Variants in SLC6A15 observed in about 807,000 individuals in gnomAD.
The protein encoded by SLC6A15 is sodium-dependent neutral amino acid transporter B(0)AT2.
In SLC6A15, 33 loss-of-function variants were observed where a neutral mutation model predicts 68.5. That is an observed-to-expected ratio of 0.48 (90% CI 0.37 to 0.64). The LOEUF (loss-of-function observed/expected upper bound fraction) is 0.64, where lower values mean the gene tolerates loss of function less well. Ranked by LOEUF, SLC6A15 falls within the 30% of genes least tolerant of loss-of-function variation. The pLI is 0.00. For synonymous variants in SLC6A15, 347 were observed against 301.0 expected (o/e 1.15, Z -1.58); for missense variants, 747 against 874.3 (o/e 0.85, Z 1.84).
At position 84,860,616 on chromosome 12, in the gene SLC6A15, G is replaced by A. The variant is rs1236879684; in HGVS notation, c.*1016C>T. 2 of 152,060 alleles carry A rather than the reference G, an allele frequency of 1.3e-5. No individual in the cohort carries two copies. Among genetic ancestry groups the A allele is most frequent in the Non-Finnish European group, 2.9e-5 (2 of 67,988 alleles). 9.4% of individuals were successfully genotyped at this position (152,060 alleles called of 1,614,324 possible). On this transcript the variant is annotated 3_prime_UTR_variant, in exon 12 of 12. Coordinates refer to ENST00000266682, the MANE Select transcript of SLC6A15 (RefSeq NM_182767.6). Reference sequence around the variant, plus strand: ...TGAAATGAAAGACAATCCAGTTCAGGTGATACAAAGAAAATCAATGTGAAA... The same window carrying A: ...TGAAATGAAAGACAATCCAGTTCAGATGATACAAAGAAAATCAATGTGAAA...
At chr12:84,891,054 T>G (rs1872367138) in intron 2 of SLC6A15, among the ~76,000 whole-genome samples, 2 of 152,194 alleles carry the variant, frequency 1.3e-5, no homozygotes, top group Non-Finnish European at 2.9e-5. Flanking sequence ...TAGCATCATA[T>G]GTAAACAATT....
chr12:84,863,439 C>A lies in SLC6A15; in HGVS notation c.1818G>T (p.Lys606Asn). 1 of 1,554,962 alleles carries A rather than the reference C, an allele frequency of 6.4e-7. No homozygotes were observed. The highest frequency in any genetic ancestry group is 8.6e-7 in the Non-Finnish European group (1 of 1,159,744). ...TGTAATTCCCTTATTTTGTATTTAC[C>A]TTATCTTCAATCCATGCGTTATAGC... is the stretch of plus-strand genomic sequence containing the variant. ...PPGYNAWIEDKASEEFLSYPT... is the reference protein window; with the variant it reads ...PPGYNAWIEDNASEEFLSYPT... The change falls in exon 11 of 12, where the codon AAG becomes AAT. Residue 606 changes from lysine (K) to asparagine (N), a missense_variant and splice_region_variant. Physicochemically the swap from Lys to Asn is moderately conservative, Grantham distance 94. Transcript: ENST00000266682.
chr12:84,911,422 C>T (rs563583997), intron 1 of SLC6A15, among the ~76,000 whole-genome samples: 45 of 152,302 alleles, frequency 3.0e-4, no homozygotes, highest in South Asian at 1.0e-3. Flanking sequence ...ACACTGCTTA[C>T]GTCACTGCGC....
intron 5 of SLC6A15, chr12:84,882,867 A>G (rs928901488): frequency 2.2e-5 from 10 of 451,772 alleles, no homozygotes; most frequent in African/African-American, 1.9e-4. Flanking sequence ...ATTGGCTTCA[A>G]TTACTGTTCT....
chr12:84,896,011 T>C (rs774099687), intron 1 of SLC6A15, among the ~76,000 whole-genome samples: 3 of 152,126 alleles, frequency 2.0e-5, no homozygotes, highest in African/African-American at 4.8e-5. Context: ...GGAAGAGAGA[T>C]AGAGTGATAA....
chr12:84,893,068 A>G (rs1427996051), intron 1 of SLC6A15, among the ~76,000 whole-genome samples: 2 of 152,198 alleles, frequency 1.3e-5, no homozygotes, highest in African/African-American at 4.8e-5. Flanking sequence ...CTGGGATTAT[A>G]TTGCATAAGT....
chr12:84,892,084 C>T lies in SLC6A15; in HGVS notation c.37G>A (p.Asp13Asn). The T allele has an allele frequency of 6.2e-7, 1 of 1,610,770 alleles. No individual in the cohort carries two copies. The highest frequency in any genetic ancestry group is 8.5e-7 in the Non-Finnish European group (1 of 1,178,870). The change falls in exon 2 of 12, where the codon GAT becomes AAT. Residue 13 changes from aspartate to asparagine, a missense_variant. Asp to Asn is a conservative substitution (Grantham distance 23). Coordinates refer to ENST00000266682, the MANE Select transcript of SLC6A15 (RefSeq NM_182767.6). ...TTGACAGACTCAGTAACATCATCAT[C>T]TAATTCTCTTTTTACCACCTTGCTA... ...KNSKVVKREL[D>N]DDVTESVKDL...
chr12:84,905,241 G>T (rs1873085817), intron 1 of SLC6A15, among the ~76,000 whole-genome samples: 1 of 152,120 alleles, frequency 6.6e-6, no homozygotes, highest in Admixed American at 6.5e-5. Flanking sequence ...TTTATTCTAA[G>T]TATTCAAGGT....
In SLC6A15 at chr12:84,875,445, G is replaced by T; in HGVS notation, c.867+1052C>A. The stretch of plus-strand genomic sequence containing the variant: ...ACACAAAGAACACAGCTTCTTTTAC[G>T]CAGTATCAAGGCAGCCGCCAGGAGT... On this transcript the variant is annotated intron_variant, in intron 6 of 11. Coordinates refer to ENST00000266682, the MANE Select transcript of SLC6A15 (RefSeq NM_182767.6). Among the ~76,000 whole-genome samples the T allele has an allele frequency of 2.0e-5, 3 of 151,780 alleles. No homozygotes were observed. In the Middle Eastern group the frequency reaches 0.01, roughly 516 times the overall value.
At chr12:84,885,628 G>T in intron 3 of SLC6A15, 67 bp from the exon 4 acceptor site, 5 of 1,430,328 alleles carry the variant, frequency 3.5e-6, no homozygotes, top group Admixed American at 2.3e-5. Flanking sequence ...GAGATCAAAT[G>T]CATAAAATTT....
At position 84,867,134 on chromosome 12, in the gene SLC6A15, A is replaced by G; in HGVS notation, c.1555T>C (p.Tyr519His). 1 of 1,612,930 alleles carries G rather than the reference A, an allele frequency of 6.2e-7. No homozygotes were observed. The highest frequency in any genetic ancestry group is 8.5e-7 in the Non-Finnish European group (1 of 1,179,410). The change falls in exon 10 of 12, where the codon TAC becomes CAC. Residue 519 changes from tyrosine to histidine, a missense_variant. Physicochemically the swap from Tyr to His is moderately conservative, Grantham distance 83 (BLOSUM62 2). Transcript: ENST00000266682. Reference protein sequence around the residue: ...GLIFVQRSGNYFVTMFDDYSA... With the variant: ...GLIFVQRSGNHFVTMFDDYSA... ...TAATCATCAAACATTGTAACAAAGTAATTTCCAGAGCGTTGCACAAATATC... is the reference window on the plus strand; with the variant it reads ...TAATCATCAAACATTGTAACAAAGTGATTTCCAGAGCGTTGCACAAATATC...
intron 5 of SLC6A15, chr12:84,880,960 T>C (rs1318116703): frequency 4.0e-6 from 3 of 756,254 alleles, no homozygotes; most frequent in Non-Finnish European, 4.8e-6. Context: ...TGCTTAATTC[T>C]GGCCAACTAT....
Position 84,872,736 on chromosome 12 carries a change from G to A in SLC6A15, c.1168C>T (p.Pro390Ser). 6.2e-7 allele frequency: 1 copy of A among 1,612,392 alleles called. No homozygotes were observed. Among genetic ancestry groups the A allele is most frequent in the Non-Finnish European group, 8.5e-7 (1 of 1,179,370 alleles). ...ACAGTTGAAAGGTTGATATGATGGG[G>A]AATAATATCCTGACTAATGTTCCCC... ...KMGNISQDII[P>S]HHINLSTVTA... The change falls in exon 8 of 12, where the codon CCC becomes TCC. Residue 390 changes from proline (P) to serine (S), a missense_variant. By Grantham distance (74) the Pro-to-Ser change is moderately conservative. Coordinates refer to ENST00000266682, the MANE Select transcript of SLC6A15 (RefSeq NM_182767.6).
chr12:84,891,299 A>C (rs1872379059), intron 2 of SLC6A15, among the ~76,000 whole-genome samples: 1 of 152,226 alleles, frequency 6.6e-6, no homozygotes, highest in Non-Finnish European at 1.5e-5. Flanking sequence ...AAGAATGTCT[A>C]GCATTGTATT....
At chr12:84,882,151 A>G in intron 5 of SLC6A15, 1 of 985,378 alleles carries the variant, frequency 1.0e-6, no homozygotes, top group Non-Finnish European at 1.2e-6. Flanking sequence ...ACGTGGTAGT[A>G]AGAGAACCTG....
intron 1 of SLC6A15, among the ~76,000 whole-genome samples, chr12:84,911,183 C>T (rs543894105): frequency 6.6e-6 from 1 of 152,232 alleles, no homozygotes; most frequent in African/African-American, 2.4e-5. Flanking sequence ...TTGTTGCTGG[C>T]ACAGCAGAAA....
At chr12:84,869,601 G>A (rs1471032115) in intron 9 of SLC6A15, among the ~76,000 whole-genome samples, 1 of 151,734 alleles carries the variant, frequency 6.6e-6, no homozygotes, top group Non-Finnish European at 1.5e-5. Context: ...AGTATGGTTG[G>A]CTTTCTTATT....
chr12:84,882,332 G>C, intron 5 of SLC6A15: 3 of 984,992 alleles, frequency 3.0e-6, no homozygotes, highest in Non-Finnish European at 3.6e-6. Context: ...ATACACAATT[G>C]AACAATTCGA....
At chr12:84,909,546 T>C (rs904788350) in intron 1 of SLC6A15, among the ~76,000 whole-genome samples, 2 of 152,186 alleles carry the variant, frequency 1.3e-5, no homozygotes, top group African/African-American at 4.8e-5. Flanking sequence ...ATCTAATGAT[T>C]CCTGCTATGT....
Sources: allele counts gnomAD v4.1 joint callset (sites outside exome capture counted in the v4.1 genomes callset), GRCh38; gene constraint gnomAD v4.1.1; transcripts MANE v1.5; gene names NCBI Gene and HGNC (gene_info 2026-07-23, HGNC 2026-07-21).